CDK4: variants seen among roughly 807,000 people sequenced by gnomAD.
CDK4 encodes the protein cyclin-dependent kinase 4.
In CDK4, 13 loss-of-function variants were observed where a neutral mutation model predicts 36.7. The observed-to-expected ratio is 0.35, with a 90% CI of 0.23 to 0.56. CDK4 has a LOEUF of 0.56. Ranked by LOEUF, CDK4 falls within the 20% of genes least tolerant of loss-of-function variation. The pLI is 0.85. For synonymous variants in CDK4, 158 were observed against 146.4 expected, an observed-to-expected ratio of 1.08 and a Z score of -0.57; for missense variants, 285 against 387.3, an observed-to-expected ratio of 0.74 and a Z score of 2.22.
chr12:57,749,581 A>G (rs1595109107), intron 5 of CDK4, 77 bp from the exon 6 acceptor site: 2 of 1,397,526 alleles, frequency 1.4e-6, no homozygotes, highest in East Asian at 2.3e-5. Context: ...TAGTGGCTCA[A>G]AATAGGAAGT....
chr12:57,748,422 G>A lies in CDK4; in HGVS notation c.*103C>T. On this transcript the variant is annotated 3_prime_UTR_variant, in exon 8 of 8. Coordinates refer to ENST00000257904, the MANE Select transcript of CDK4 (RefSeq NM_000075.4). ...AAAGTAATCTCTGTAGAAAGATGGA[G>A]GAGGACCCTCCATAGCCTCAGAGAT... 3 of 851,116 alleles carry A rather than the reference G, an allele frequency of 3.5e-6. No individual in the cohort carries two copies. The highest frequency in any genetic ancestry group is 4.1e-6 in the Non-Finnish European group (2 of 490,192). 52.7% of individuals were successfully genotyped at this position (851,116 alleles called of 1,614,324 possible).
rs1057523487 is a variant in CDK4, at chr12:57,751,640, G to A, written c.78C>T (p.Pro26=). The change falls in exon 2 of 8, where the codon CCC becomes CCT. Residue 26 remains proline (P), a synonymous_variant. Coordinates refer to ENST00000257904, the MANE Select transcript of CDK4 (RefSeq NM_000075.4). The surrounding 1 kb of genome is among the most constrained non-coding windows in gnomAD (Gnocchi z 4.5). The stretch of plus-strand genomic sequence containing the variant: ...TGAGGGCCACAAAGTGGCCACTGTG[G>A]GGATCACGGGCCTTGTACACTGTCC... The part of the protein sequence containing the change: ...AYGTVYKARD[P]HSGHFVALKS... 6.2e-7 allele frequency: 1 copy of A among 1,613,888 alleles called. No individual in the cohort carries two copies. Among genetic ancestry groups the A allele is most frequent in the South Asian group, 1.1e-5 (1 of 91,064 alleles).
In CDK4 at chr12:57,749,345, G is replaced by T. The variant is rs140234256; in HGVS notation, c.684-28C>A. Reference sequence around the variant, plus strand: ...GTGGGGGACAGGAGAACTCTGGTCAGGAGGGTCCTCCAGTTCCCATCCCCA... The same window carrying T: ...GTGGGGGACAGGAGAACTCTGGTCATGAGGGTCCTCCAGTTCCCATCCCCA... On this transcript the variant is annotated intron_variant, in intron 6 of 7. Transcript: ENST00000257904. 32 of 1,614,150 alleles carry T rather than the reference G, an allele frequency of 2.0e-5. No homozygotes were observed. The Admixed American group carries it at 4.2e-4, about 21-fold the overall frequency.
At position 57,751,481 on chromosome 12, in the gene CDK4, C is replaced by G; in HGVS notation, c.218+19G>C. 1 of 1,612,758 alleles carries G rather than the reference C, an allele frequency of 6.2e-7. No homozygotes were observed. The highest frequency in any genetic ancestry group is 8.5e-7 in the Non-Finnish European group (1 of 1,178,994). On this transcript the variant is annotated intron_variant, in intron 2 of 7. Coordinates refer to ENST00000257904, the MANE Select transcript of CDK4 (RefSeq NM_000075.4). This position sits in a 1 kb window ranked among gnomAD's most constrained non-coding sequence, Gnocchi z 4.5. ...TTTTCCCTTTACTCCCCACGCCCAA[C>G]CCTCCACCACCTTCTCACCGGACAA...
intron 7 of CDK4, chr12:57,748,896 A>G (rs1482340329): frequency 3.3e-5 from 18 of 544,204 alleles, no homozygotes; most frequent in Non-Finnish European, 5.3e-5. Flanking sequence ...AGTAGAGACG[A>G]GGTTTCACCA....
At position 57,751,359 on chromosome 12, in the gene CDK4, C is replaced by G. The variant is rs767249235; in HGVS notation, c.219-17G>C. The G allele has an allele frequency of 2.5e-6, 4 of 1,614,016 alleles. No individual in the cohort carries two copies. The highest frequency in any genetic ancestry group is 3.4e-6 in the Non-Finnish European group (4 of 1,180,042). On this transcript the variant is annotated splice_polypyrimidine_tract_variant and intron_variant, in intron 2 of 7. Transcript: ENST00000257904. This position sits in a 1 kb window ranked among gnomAD's most constrained non-coding sequence, Gnocchi z 4.5. ...TCCATCAGCCTGACCAGAGTAAATG[C>G]TCACTTTTCAATCCCCTTTAACCCA...
Position 57,751,212 on chromosome 12 carries a change from T to C in CDK4, c.349A>G (p.Ile117Val), listed in dbSNP as rs776343973. The C allele has an allele frequency of 3.1e-6, 5 of 1,614,200 alleles. No homozygotes were observed. The highest frequency in any genetic ancestry group is 4.2e-6 in the Non-Finnish European group (5 of 1,180,034). ...TGCCTACCAACCCCACTCACCTTGA[T>C]CGTTTCGGCTGGCAAGCCTGGTGGG... Reference protein sequence around the residue: ...APPPGLPAETIKDLMRQFLRG... With the variant: ...APPPGLPAETVKDLMRQFLRG... Residue 117 changes from isoleucine (I) to valine (V), a missense_variant, in exon 3 of 8, where the codon ATC (isoleucine) becomes GTC (valine). Coordinates refer to ENST00000257904, the MANE Select transcript of CDK4 (RefSeq NM_000075.4). The surrounding 1 kb of genome is among the most constrained non-coding windows in gnomAD (Gnocchi z 4.5).
In CDK4 at chr12:57,751,436, C is replaced by A. The variant is rs2140387905; in HGVS notation, c.218+64G>T. 1.2e-6 allele frequency: 2 copies of A among 1,609,016 alleles called. No individual in the cohort carries two copies. Among genetic ancestry groups the A allele is most frequent in the South Asian group, 1.1e-5 (1 of 90,976 alleles). ...GTCCCCACTTCTCTACAGATCATCACACCCCACCTATAGGCTGTCTTTTCC... is the reference window on the plus strand; with the variant it reads ...GTCCCCACTTCTCTACAGATCATCAAACCCCACCTATAGGCTGTCTTTTCC... On this transcript the variant is annotated intron_variant, in intron 2 of 7. Coordinates refer to ENST00000257904, the MANE Select transcript of CDK4 (RefSeq NM_000075.4). This position sits in a 1 kb window ranked among gnomAD's most constrained non-coding sequence, Gnocchi z 4.5.
rs796475642 is a variant in CDK4, at chr12:57,749,174, T to A, written c.819+8A>T. 1.9e-6 allele frequency: 3 copies of A among 1,613,994 alleles called. No individual in the cohort carries two copies. In the African/African-American group the frequency reaches 4.0e-5, roughly 22 times the overall value. On this transcript the variant is annotated splice_region_variant and intron_variant, in intron 7 of 7. Coordinates refer to ENST00000257904, the MANE Select transcript of CDK4 (RefSeq NM_000075.4). ...TTCTTTCCCTGTGCCCACAGCCATCTCCAGTACCAGCAGCAGCTGTGCTCC... is the reference window on the plus strand; with the variant it reads ...TTCTTTCCCTGTGCCCACAGCCATCACCAGTACCAGCAGCAGCTGTGCTCC...
In CDK4 at chr12:57,749,451, T is replaced by TA; in HGVS notation, c.683+2dup. 6.2e-7 allele frequency: 1 copy of TA among 1,614,134 alleles called. No individual in the cohort carries two copies. The highest frequency in any genetic ancestry group is 2.2e-5 in the East Asian group (1 of 44,880). The stretch of plus-strand genomic sequence containing the variant: ...ATCTTTTTCTCCCATGTTGGTCACT[T>TA]ACTCAAAGATTTTGCCCAACTGGTC... On this transcript the variant is annotated splice_region_variant and intron_variant, in intron 6 of 7. Transcript: ENST00000257904.
intron 6 of CDK4, 55 bp from the exon 7 acceptor site, chr12:57,749,372 G>A (rs2140383436): frequency 1.2e-6 from 2 of 1,613,600 alleles, no homozygotes; most frequent in Non-Finnish European, 1.7e-6. Flanking sequence ...CCATCCCCAT[G>A]GGCAGAGCCA....
At chr12:57,750,344 T>C (rs996074548) in intron 5 of CDK4, 3 of 373,248 alleles carry the variant, frequency 8.0e-6, no homozygotes, top group Non-Finnish European at 1.6e-5. Flanking sequence ...GGTGGGAGGA[T>C]TGCTTGAGTG....
chr12:57,751,216 T>G lies in CDK4; in HGVS notation c.345A>C (p.Glu115Asp), dbSNP rs769378936. 1.2e-6 allele frequency: 2 copies of G among 1,614,182 alleles called. No homozygotes were observed. Among genetic ancestry groups the G allele is most frequent in the Admixed American group, 3.3e-5 (2 of 60,030 alleles). The change falls in exon 3 of 8, where the codon GAA (glutamate) becomes GAC (aspartate). Residue 115 changes from glutamate to aspartate, a missense_variant. By Grantham distance (45) the Glu-to-Asp change is conservative. Coordinates refer to ENST00000257904, the MANE Select transcript of CDK4 (RefSeq NM_000075.4). This position sits in a 1 kb window ranked among gnomAD's most constrained non-coding sequence, Gnocchi z 4.5. ...TACCAACCCCACTCACCTTGATCGT[T>G]TCGGCTGGCAAGCCTGGTGGGGGTG... ...DKAPPPGLPA[E>D]TIKDLMRQFL...
chr12:57,750,838 T>A (rs879234816), intron 4 of CDK4, 73 bp from the exon 5 acceptor site: 1 of 1,590,696 alleles, frequency 6.3e-7, no homozygotes, highest in East Asian at 2.2e-5. Context: ...ACTGAACACA[T>A]GAAGCACATG....
At chr12:57,749,628 A>G in intron 5 of CDK4, 124 bp from the exon 6 acceptor site, 8 of 932,130 alleles carry the variant, frequency 8.6e-6, no homozygotes, top group Non-Finnish European at 1.4e-5. Flanking sequence ...GCACTTTGGG[A>G]TGCTGAGGTG....
At chr12:57,749,097 C>G (rs1038062333) in intron 7 of CDK4, 85 bp downstream of exon 7, 1 of 1,544,166 alleles carries the variant, frequency 6.5e-7, no homozygotes, top group South Asian at 1.1e-5. Flanking sequence ...GTTTCATTAA[C>G]CACAGTGGCC....
In CDK4 at chr12:57,750,648, T is replaced by TC. The variant is rs1555201260; in HGVS notation, c.632+7dup. The TC allele has an allele frequency of 6.4e-7, 1 of 1,562,852 alleles. No homozygotes were observed. The highest frequency in any genetic ancestry group is 8.8e-7 in the Non-Finnish European group (1 of 1,133,018). ...TTCAAGGTAGTCCAGGGTATGTGGG[T>TC]CCCATACTTTCGACGAAACATCTCT... is the stretch of plus-strand genomic sequence containing the variant. On this transcript the variant is annotated splice_region_variant and intron_variant, in intron 5 of 7. Coordinates refer to ENST00000257904, the MANE Select transcript of CDK4 (RefSeq NM_000075.4).
At chr12:57,749,665 T>C in intron 5 of CDK4, 161 bp from the exon 6 acceptor site, 1 of 721,112 alleles carries the variant, frequency 1.4e-6, no homozygotes, top group Non-Finnish European at 2.5e-6. Flanking sequence ...CCAGGAGTTC[T>C]AGATCAGCCT....
In CDK4 at chr12:57,752,016, C is replaced by A. The variant is rs1955243577; in HGVS notation, c.-20+159G>T. 3 of 479,706 alleles carry A rather than the reference C, an allele frequency of 6.3e-6. No individual in the cohort carries two copies. The Admixed American group carries it at 1.0e-4, about 16-fold the overall frequency. The allele number at this position is 479,706 out of a possible 1,614,324, so 29.7% of individuals were successfully genotyped here. ...TGACACATGCCTTGCATCGAAGATC[C>A]TACACCTCAGTCCCTAAAATTATAC... On this transcript the variant is annotated intron_variant, in intron 1 of 7. Transcript: ENST00000257904.
Sources: allele counts gnomAD v4.1 joint callset, GRCh38; gene constraint gnomAD v4.1.1; non-coding constraint Gnocchi (gnomAD v3.1); transcripts MANE v1.5; gene names NCBI Gene and HGNC (gene_info 2026-07-23, HGNC 2026-07-21).